VPS13A: variants seen among roughly 807,000 people sequenced by gnomAD.
VPS13A encodes vacuolar protein sorting 13 homolog A, also known as intermembrane lipid transfer protein VPS13A.
In VPS13A, 264 loss-of-function variants were observed where a neutral mutation model predicts 390.9. The ratio of observed to expected loss-of-function variants is 0.68; its 90% CI spans 0.61 to 0.75. The LOEUF (loss-of-function observed/expected upper bound fraction) is 0.75. VPS13A is among the 30% of genes least tolerant of loss of function. The pLI is 0.00. For missense variants in VPS13A, 3,409 were observed against 3,733.9 expected, an observed-to-expected ratio of 0.91 and a Z score of 2.27; for synonymous variants, 1,231 against 1,227.1, an observed-to-expected ratio of 1.00 and a Z score of -0.07.
intron 4 of VPS13A, 110 bp downstream of exon 4, chr9:77,205,518 T>A: frequency 2.2e-6 from 1 of 454,036 alleles, no homozygotes; most frequent in Non-Finnish European, 3.6e-6. Flanking sequence ...ATATTTAAAT[T>A]TGATATTTGT....
At chr9:77,351,038 C>T in intron 52 of VPS13A, 2 of 341,086 alleles carry the variant, frequency 5.9e-6, no homozygotes, top group South Asian at 5.1e-5. Flanking sequence ...AATAATTTTC[C>T]ATAATTAATT....
chr9:77,384,863 T>A, intron 68 of VPS13A: 1 of 1,434,262 alleles, frequency 7.0e-7, no homozygotes, highest in African/African-American at 1.4e-5. Context: ...AAAATGTATC[T>A]TACATCCAAA....
intron 22 of VPS13A, 118 bp downstream of exon 22, chr9:77,252,470 TC>T (rs1377431018): frequency 6.9e-6 from 6 of 866,680 alleles, no homozygotes; most frequent in Admixed American, 1.7e-5. Context: ...AACTGACTCT[TC>T]CTTGTGTGTG....
chr9:77,318,158 T>A (rs549689745), intron 40 of VPS13A, 77 bp from the exon 41 acceptor site: 2 of 763,142 alleles, frequency 2.6e-6, no homozygotes, highest in Non-Finnish European at 4.1e-6. Flanking sequence ...TAATTTCTCA[T>A]AATATATATT....
At chr9:77,396,840 C>T (rs1214017495) in intron 68 of VPS13A, among the ~76,000 whole-genome samples, 1 of 152,180 alleles carries the variant, frequency 6.6e-6, no homozygotes, top group Admixed American at 6.5e-5. Flanking sequence ...TAGAAATAAG[C>T]TTAAATTTTA....
At chr9:77,201,060 C>T (rs941579620) in intron 2 of VPS13A, among the ~76,000 whole-genome samples, 1 of 152,010 alleles carries the variant, frequency 6.6e-6, no homozygotes, top group Non-Finnish European at 1.5e-5. Flanking sequence ...ATTGTAATTG[C>T]CACTTCTTTT....
intron 1 of VPS13A, among the ~76,000 whole-genome samples, chr9:77,180,046 G>C (rs907633574): frequency 1.3e-5 from 2 of 152,004 alleles, no homozygotes; most frequent in Non-Finnish European, 2.9e-5. Context: ...TATTTCATTT[G>C]CTCTTAGGGT....
chr9:77,359,374 G>A lies in VPS13A; in HGVS notation c.8077G>A (p.Ala2693Thr), dbSNP rs1832006488. 6.2e-7 allele frequency: 1 copy of A among 1,613,252 alleles called. No homozygotes were observed. Among genetic ancestry groups the A allele is most frequent in the Non-Finnish European group, 8.5e-7 (1 of 1,179,584 alleles). ...FTDVSIVMRS[A>T]GHSQISRIKY... ...AGATGTCAGTATTGTCATGAGATCTGCAGGACATTCCCAGATATCACGTAT... is the reference window on the plus strand; with the variant it reads ...AGATGTCAGTATTGTCATGAGATCTACAGGACATTCCCAGATATCACGTAT... The change falls in exon 58 of 72, where the codon GCA (alanine) becomes ACA (threonine). Residue 2693 changes from alanine (A) to threonine (T), a missense_variant. By Grantham distance (58) the Ala-to-Thr change is moderately conservative. Transcript: ENST00000360280.
intron 67 of VPS13A, among the ~76,000 whole-genome samples, chr9:77,376,220 A>G (rs1833066556): frequency 6.6e-6 from 1 of 152,176 alleles, no homozygotes; most frequent in Non-Finnish European, 1.5e-5. Context: ...GAGTAGAGTG[A>G]GGAACGGGGA....
At chr9:77,390,930 T>G (rs1303673099) in intron 68 of VPS13A, among the ~76,000 whole-genome samples, 2 of 152,144 alleles carry the variant, frequency 1.3e-5, no homozygotes, top group Non-Finnish European at 2.9e-5. Context: ...CCCTTAAATT[T>G]GTAAATATAT....
At chr9:77,251,391 AT>A (rs1825139245) in intron 21 of VPS13A, among the ~76,000 whole-genome samples, 1 of 152,166 alleles carries the variant, frequency 6.6e-6, no homozygotes, top group Non-Finnish European at 1.5e-5. Context: ...TTTCTTTCTG[AT>A]TATACCTATT....
At chr9:77,257,286 G>T (rs969517216) in intron 22 of VPS13A, among the ~76,000 whole-genome samples, 1 of 152,088 alleles carries the variant, frequency 6.6e-6, no homozygotes, top group Non-Finnish European at 1.5e-5. Context: ...CTAGGCTAGA[G>T]AACAGTGTTG....
At chr9:77,317,539 A>T in intron 39 of VPS13A, 67 bp from the exon 40 acceptor site, 3 of 1,219,164 alleles carry the variant, frequency 2.5e-6, no homozygotes, top group Non-Finnish European at 3.5e-6. Context: ...ATTACTAGGA[A>T]AGTCTTTAAA....
In VPS13A at chr9:77,252,304, A is replaced by G. The variant is rs189129300; in HGVS notation, c.2240A>G (p.Asn747Ser). 33 of 1,614,042 alleles carry G rather than the reference A, an allele frequency of 2.0e-5. No homozygotes were observed. Among genetic ancestry groups the G allele is most frequent in the East Asian group, 1.1e-4 (5 of 44,852 alleles). Reference protein sequence around the residue: ...TQHILVPMHFNLELSKAMVFM... With the variant: ...TQHILVPMHFSLELSKAMVFM... ...CATATTTTGGTACCCATGCACTTCA[A>G]TTTGGAACTGTCTAAGGCCATGGTT... The change falls in exon 22 of 72, where the codon AAT becomes AGT. Residue 747 changes from asparagine (N) to serine (S), a missense_variant. By Grantham distance (46) the Asn-to-Ser change is conservative. This residue lies in a region of VPS13A where 2,717 missense variants were observed against 2,917.4 expected (regional missense o/e 0.93). Coordinates refer to ENST00000360280, the MANE Select transcript of VPS13A (RefSeq NM_033305.3).
intron 69 of VPS13A, among the ~76,000 whole-genome samples, chr9:77,403,872 A>C (rs1834486408): frequency 6.6e-6 from 1 of 152,202 alleles, no homozygotes; most frequent in Admixed American, 6.5e-5. Context: ...TGCATTAGTA[A>C]GATGGCAGTC....
chr9:77,210,179 C>CTCTCTT (rs1234499459), intron 6 of VPS13A, among the ~76,000 whole-genome samples: 12 of 133,848 alleles, frequency 9.0e-5, no homozygotes, highest in African/African-American at 1.1e-4. Flanking sequence ...CTCTCTCTCT[C>CTCTCTT]TCTCTTTCTC....
At chr9:77,368,473 AT>A (rs1437868710) in intron 62 of VPS13A, among the ~76,000 whole-genome samples, 1 of 152,220 alleles carries the variant, frequency 6.6e-6, no homozygotes, top group Non-Finnish European at 1.5e-5. Flanking sequence ...AACACGGGAT[AT>A]TTTTAGTGTA....
chr9:77,207,251 AT>A (rs200658249), intron 5 of VPS13A, among the ~76,000 whole-genome samples: 3,231 of 109,578 alleles, frequency 0.029, 192 homozygotes, highest in African/African-American at 0.056. Flanking sequence ...ATATATATAT[AT>A]AAAACGTGTT....
intron 8 of VPS13A, 54 bp from the exon 9 acceptor site, chr9:77,213,180 G>T (rs1826068042): frequency 6.4e-7 from 1 of 1,572,128 alleles, no homozygotes. Flanking sequence ...TGAAAATAGT[G>T]TATGATAAAA....
Sources: gnomAD v4.1 joint callset for allele counts (sites outside exome capture counted in the v4.1 genomes callset) on GRCh38, gnomAD v4.1.1 for gene constraint, gnomAD v4.1.1 regional missense constraint, MANE v1.5 for transcripts, NCBI Gene and HGNC (gene_info 2026-07-23, HGNC 2026-07-21) for gene names.